Variants in ADCY3 observed in about 807,000 individuals in gnomAD.
The protein encoded by ADCY3 is adenylate cyclase type 3.
A neutral mutation model predicts 119.4 loss-of-function variants in ADCY3; 70 were observed. That is an observed-to-expected ratio of 0.59 (90% CI 0.48 to 0.72). The LOEUF (loss-of-function observed/expected upper bound fraction) is 0.72, where lower values mean the gene tolerates loss of function less well. ADCY3 is among the 30% of genes least tolerant of loss of function. ADCY3 has a pLI of 0.00. For missense variants in ADCY3, 1,238 were observed against 1,541.6 expected (o/e 0.80, Z 3.30); for synonymous variants, 672 against 621.4 (o/e 1.08, Z -1.21).
At chr2:24,882,176 GAT>G (rs1390071266) in intron 2 of ADCY3, among the ~76,000 whole-genome samples, 2 of 152,170 alleles carry the variant, frequency 1.3e-5, no homozygotes, top group Non-Finnish European at 2.9e-5. Context: ...ACAACAGCCT[GAT>G]CAATGCACCC....
At chr2:24,874,546 C>A (rs1360149763) in intron 2 of ADCY3, among the ~76,000 whole-genome samples, 1 of 152,228 alleles carries the variant, frequency 6.6e-6, no homozygotes, top group African/African-American at 2.4e-5. Flanking sequence ...CTCTGGCCAA[C>A]CTGGGAGCTG....
In ADCY3 at chr2:24,875,989, GA is replaced by G. The variant is rs67633989; in HGVS notation, c.676-3271del. ...GAAAGGAGTGTGGACTTCTTTTTGG[GA>G]GGGGGGCGGTGGTGCAGATAGAGAC... On this transcript the variant is annotated intron_variant, in intron 2 of 21. Transcript: ENST00000679454. Among the ~76,000 whole-genome samples the G allele has an allele frequency of 3.1e-3, 468 of 150,934 alleles. 18 individuals are homozygous for G. The East Asian group carries it at 0.051, about 16-fold the overall frequency.
intron 2 of ADCY3, among the ~76,000 whole-genome samples, chr2:24,903,937 C>G (rs189958147): frequency 1.1e-3 from 167 of 152,340 alleles, no homozygotes; most frequent in African/African-American, 3.7e-3. Flanking sequence ...AGGAACCGAG[C>G]TCCATGCAGC....
At chr2:24,904,984 T>C (rs1679308309) in intron 2 of ADCY3, among the ~76,000 whole-genome samples, 1 of 152,016 alleles carries the variant, frequency 6.6e-6, no homozygotes, top group African/African-American at 2.4e-5. Flanking sequence ...CTCTATTGTG[T>C]TGTTTTTGCT....
At chr2:24,876,277 A>C (rs1675702059) in intron 2 of ADCY3, among the ~76,000 whole-genome samples, 1 of 152,222 alleles carries the variant, frequency 6.6e-6, no homozygotes, top group Non-Finnish European at 1.5e-5. Flanking sequence ...GGCATGAGCC[A>C]CCATACCTGG....
chr2:24,868,508 G>A (rs1016493199), intron 3 of ADCY3, among the ~76,000 whole-genome samples: 13 of 151,836 alleles, frequency 8.6e-5, no homozygotes, highest in South Asian at 4.2e-4. Context: ...AAAATTAGCC[G>A]GGCGTGTTCC....
At chr2:24,895,129 T>A (rs1032355984) in intron 2 of ADCY3, among the ~76,000 whole-genome samples, 4 of 152,288 alleles carry the variant, frequency 2.6e-5, no homozygotes, top group Admixed American at 2.6e-4. Flanking sequence ...TCTTGCTCTG[T>A]CGCCAGGCTG....
intron 2 of ADCY3, among the ~76,000 whole-genome samples, chr2:24,917,626 C>A (rs964522638): frequency 2.0e-5 from 3 of 152,170 alleles, no homozygotes. Flanking sequence ...CAGCAGAATG[C>A]GTGCTTTAGG....
chr2:24,850,616 C>T (rs1672182123), intron 3 of ADCY3, among the ~76,000 whole-genome samples: 1 of 152,212 alleles, frequency 6.6e-6, no homozygotes, highest in Admixed American at 6.5e-5. Flanking sequence ...ATGTTCCAAA[C>T]CTTTGACCCA....
chr2:24,826,185 G>C, intron 15 of ADCY3, 59 bp from the exon 16 acceptor site: 2 of 1,475,092 alleles, frequency 1.4e-6, no homozygotes, highest in African/African-American at 2.8e-5. Context: ...GAGGGGGCCT[G>C]ATTCCCTCCA....
rs1446497953 is a variant in ADCY3, at chr2:24,834,893, A to C, written c.1706T>G (p.Leu569Arg). ...SFPNPRRRLR[L>R]QDLADRVVDA... Reference sequence around the variant, plus strand: ...CACCACTCGGTCAGCCAGGTCCTGCAGGCGCAGCCTCCGGCGTGGGTTGGG... The same window carrying C: ...CACCACTCGGTCAGCCAGGTCCTGCCGGCGCAGCCTCCGGCGTGGGTTGGG... Residue 569 changes from leucine to arginine, a missense_variant, in exon 10 of 22, where the codon CTG becomes CGG. Transcript: ENST00000679454. This position sits in a 1 kb window ranked among gnomAD's most constrained non-coding sequence, Gnocchi z 4.2. 6.2e-7 allele frequency: 1 copy of C among 1,613,874 alleles called. No individual in the cohort carries two copies. The highest frequency in any genetic ancestry group is 1.7e-5 in the Admixed American group (1 of 59,998).
chr2:24,827,509 G>A (rs993760930), intron 15 of ADCY3, 37 bp downstream of exon 15: 3 of 1,562,146 alleles, frequency 1.9e-6, no homozygotes, highest in Non-Finnish European at 2.6e-6. Context: ...AAGAAGGGCT[G>A]TGAGTGCAGG....
chr2:24,873,290 T>C lies in ADCY3; in HGVS notation c.676-571A>G, dbSNP rs563313564. ...CAATGTTTACCTTACACATGTGTCA[T>C]AGGTTTCTAGTTTTCTGGGATTCAC... is the stretch of plus-strand genomic sequence containing the variant. On this transcript the variant is annotated intron_variant, in intron 2 of 21. Transcript: ENST00000679454. Among the ~76,000 whole-genome samples, 344 of 152,284 alleles carry C rather than the reference T, an allele frequency of 2.3e-3. 2 individuals carry two copies. Among genetic ancestry groups the C allele is most frequent in the African/African-American group, 7.8e-3 (324 of 41,564 alleles).
At chr2:24,844,484 T>C (rs1426294044) in intron 3 of ADCY3, among the ~76,000 whole-genome samples, 5 of 152,222 alleles carry the variant, frequency 3.3e-5, no homozygotes, top group Admixed American at 2.6e-4. Flanking sequence ...TCTGCTGAGT[T>C]CAGGGGTCCC....
At chr2:24,883,771 GATC>G (rs1393735873) in intron 2 of ADCY3, among the ~76,000 whole-genome samples, 1 of 152,190 alleles carries the variant, frequency 6.6e-6, no homozygotes, top group African/African-American at 2.4e-5. Context: ...AATCCAGATA[GATC>G]ATCACACAAA....
At chr2:24,837,197 G>T in intron 8 of ADCY3, 152 bp from the exon 9 acceptor site, 1 of 935,306 alleles carries the variant, frequency 1.1e-6, no homozygotes, top group Non-Finnish European at 1.6e-6. Context: ...AGGCGTCAAG[G>T]ATGATTTCAA....
In ADCY3 at chr2:24,913,688, C is replaced by T. The variant is rs144367157; in HGVS notation, c.675+4625G>A. Among the ~76,000 whole-genome samples the T allele has an allele frequency of 6.0e-4, 92 of 152,280 alleles. 1 individual carries two copies. In the Middle Eastern group the frequency reaches 0.02, roughly 34 times the overall value. ...GGGTGTCTCTGGAAGCCTCAGTTTCCTCTCACCCTCCCTACGGCAGCTCCC... is the reference window on the plus strand; with the variant it reads ...GGGTGTCTCTGGAAGCCTCAGTTTCTTCTCACCCTCCCTACGGCAGCTCCC... On this transcript the variant is annotated intron_variant, in intron 2 of 21. Transcript: ENST00000679454.
intron 2 of ADCY3, chr2:24,877,784 C>T: frequency 2.3e-6 from 1 of 430,122 alleles, no homozygotes; most frequent in Non-Finnish European, 4.8e-6. Flanking sequence ...ACCATCTGAC[C>T]ACCAGACAGA....
At position 24,834,928 on chromosome 2, in the gene ADCY3, G is replaced by C; in HGVS notation, c.1671C>G (p.Asn557Lys). 1 of 1,613,436 alleles carries C rather than the reference G, an allele frequency of 6.2e-7. No homozygotes were observed. The highest frequency in any genetic ancestry group is 1.7e-5 in the Admixed American group (1 of 59,984). Residue 557 changes from asparagine (N) to lysine (K), a missense_variant, in exon 10 of 22, where the codon AAC becomes AAG. By Grantham distance (94) the Asn-to-Lys change is moderately conservative. This residue lies in a region of ADCY3 where 499 missense variants were observed against 571.0 expected (regional missense o/e 0.87). Coordinates refer to ENST00000679454, the MANE Select transcript of ADCY3 (RefSeq NM_004036.5). The surrounding 1 kb of genome is among the most constrained non-coding windows in gnomAD (Gnocchi z 4.2). ...KPEEQDAQAD[N>K]PSFPNPRRRL... The stretch of plus-strand genomic sequence containing the variant: ...TCCGGCGTGGGTTGGGGAATGAGGG[G>C]TTGTCGGCCTGTGAGCCAGGGAGGC...
Sources: gnomAD v4.1 joint callset for allele counts (sites outside exome capture counted in the v4.1 genomes callset) on GRCh38, gnomAD v4.1.1 for gene constraint, gnomAD v4.1.1 regional missense constraint, Gnocchi (gnomAD v3.1) non-coding constraint, MANE v1.5 for transcripts, NCBI Gene and HGNC (gene_info 2026-07-23, HGNC 2026-07-21) for gene names.